Variants in SYNM observed in about 807,000 individuals in gnomAD.
SYNM encodes the protein synemin.
SYNM carries 95 observed loss-of-function variants against 104.0 expected under a neutral mutation model. The ratio of observed to expected loss-of-function variants is 0.91; its 90% CI spans 0.77 to 1.08. SYNM has a LOEUF of 1.08. Among genes scored for constraint, SYNM ranks in the 50% least tolerant of loss-of-function variants. The probability of loss-of-function intolerance (pLI) is 0.00; values close to 1 mark genes in which losing one functional copy is unlikely to be tolerated. For synonymous variants in SYNM, 918 were observed against 869.0 expected, an observed-to-expected ratio of 1.06 and a Z score of -0.99; for missense variants, 2,150 against 2,052.2, an observed-to-expected ratio of 1.05 and a Z score of -0.92.
At chr15:99,119,800 G>T (rs578009658) in intron 2 of SYNM, among the ~76,000 whole-genome samples, 3 of 152,320 alleles carry the variant, frequency 2.0e-5, no homozygotes, top group Admixed American at 2.0e-4. Context: ...TTTGTTATGA[G>T]AATTTCCAAA....
chr15:99,111,900 T>C (rs2067302800), intron 1 of SYNM, among the ~76,000 whole-genome samples: 1 of 152,070 alleles, frequency 6.6e-6, no homozygotes, highest in Admixed American at 6.6e-5. Context: ...CAAAAATCAG[T>C]TGGGCGTGAT....
intron 1 of SYNM, among the ~76,000 whole-genome samples, chr15:99,106,228 G>A (rs2067242099): frequency 6.6e-6 from 1 of 152,238 alleles, no homozygotes; most frequent in African/African-American, 2.4e-5. Flanking sequence ...CTAGCGGATA[G>A]CCCCGTCCTC....
At position 99,132,058 on chromosome 15, in the gene SYNM, A is replaced by C. The variant is rs2067515414; in HGVS notation, c.3698A>C (p.Glu1233Ala). ...TGCAGACAATTTCATGCTGAAAAGG[A>C]GATTATTTTTCAGGGCCCCATTTCT... ...FGCRQFHAEK[E>A]IIFQGPISAA... Residue 1233 changes from glutamate to alanine, a missense_variant, in exon 4 of 4, where the codon GAG (glutamate) becomes GCG (alanine). By Grantham distance (107) the Glu-to-Ala change is moderately radical. Transcript: ENST00000336292. 1 of 1,613,864 alleles carries C rather than the reference A, an allele frequency of 6.2e-7. No individual in the cohort carries two copies. The highest frequency in any genetic ancestry group is 8.5e-7 in the Non-Finnish European group (1 of 1,179,884).
chr15:99,121,511 A>G (rs74435210), intron 2 of SYNM, among the ~76,000 whole-genome samples: 2,749 of 152,332 alleles, frequency 0.018, 85 homozygotes, highest in African/African-American at 0.062. Context: ...AGGCTAGCAC[A>G]GAGTCGGTAA....
chr15:99,132,830 G>T lies in SYNM; in HGVS notation c.4470G>T (p.Trp1490Cys), dbSNP rs1555486217. Residue 1490 changes from tryptophan (W) to cysteine (C), a missense_variant, in exon 4 of 4, where the codon TGG (tryptophan) becomes TGT (cysteine). Physicochemically the swap from Trp to Cys is radical, Grantham distance 215. Transcript: ENST00000336292. ...GALGVSDRGS[W>C]RDADSRNDQA... Reference sequence around the variant, plus strand: ...TCGGTGTGTCTGACCGTGGTTCCTGGAGAGACGCGGACAGTAGGAATGACC... The same window carrying T: ...TCGGTGTGTCTGACCGTGGTTCCTGTAGAGACGCGGACAGTAGGAATGACC... 1 of 1,613,772 alleles carries T rather than the reference G, an allele frequency of 6.2e-7. No individual in the cohort carries two copies. The highest frequency in any genetic ancestry group is 1.1e-5 in the South Asian group (1 of 91,036).
At chr15:99,128,098 A>C (rs1480832847) in intron 3 of SYNM, among the ~76,000 whole-genome samples, 2 of 152,238 alleles carry the variant, frequency 1.3e-5, no homozygotes, top group Non-Finnish European at 2.9e-5. Flanking sequence ...TATTCTGGCA[A>C]TTACATATTA....
downstream of SYNM, among the ~76,000 whole-genome samples, chr15:99,138,431 A>G (rs1455307845): frequency 6.6e-6 from 1 of 151,798 alleles, no homozygotes; most frequent in Admixed American, 6.6e-5. Flanking sequence ...CTCATGCCTC[A>G]GTCTCCCGAG....
At chr15:99,116,264 G>C (rs1225241191) in intron 2 of SYNM, among the ~76,000 whole-genome samples, 1 of 152,212 alleles carries the variant, frequency 6.6e-6, no homozygotes, top group African/African-American at 2.4e-5. Context: ...AATTGGTAGG[G>C]CATTGAAACA....
intron 1 of SYNM, among the ~76,000 whole-genome samples, chr15:99,107,106 A>T (rs2067253285): frequency 6.6e-6 from 1 of 152,240 alleles, no homozygotes; most frequent in Admixed American, 6.5e-5. Context: ...TACAGGCTAG[A>T]TGGGAAATCA....
chr15:99,106,124 GT>G, intron 1 of SYNM, 115 bp downstream of exon 1: 6 of 1,162,318 alleles, frequency 5.2e-6, no homozygotes, highest in Non-Finnish European at 6.7e-6. Context: ...TCGCGGACCG[GT>G]AGGGCCCGCC....
intron 2 of SYNM, among the ~76,000 whole-genome samples, chr15:99,124,243 A>C (rs1292585179): frequency 2.0e-5 from 3 of 152,240 alleles, no homozygotes; most frequent in African/African-American, 7.2e-5. Flanking sequence ...CTATTCCTTA[A>C]AAATGTCCCT....
chr15:99,138,190 C>A, downstream of SYNM: 1 of 1,590,024 alleles, frequency 6.3e-7, no homozygotes, highest in South Asian at 1.1e-5. Context: ...CGTTCCCATC[C>A]AGCCTTTGCT....
rs1334776486 is a variant in SYNM, at chr15:99,130,033, A to G, written c.1673A>G (p.Lys558Arg). The G allele has an allele frequency of 6.2e-6, 10 of 1,613,688 alleles. No individual in the cohort carries two copies. Among genetic ancestry groups the G allele is most frequent in the South Asian group, 1.1e-5 (1 of 91,030 alleles). ...EARQRESQQM[K>R]EKAKEKDSPK... ...AGACAGAGAGAAAGCCAGCAGATGA[A>G]GGAGAAGGCTAAGGAGAAGGACTCA... The change falls in exon 4 of 4, where the codon AAG (lysine) becomes AGG (arginine). Residue 558 changes from lysine (K) to arginine (R), a missense_variant. Lys to Arg is a conservative substitution (Grantham distance 26). Transcript: ENST00000336292.
intron 3 of SYNM, 46 bp downstream of exon 3, chr15:99,126,838 G>C (rs1555485097): frequency 6.6e-7 from 1 of 1,512,056 alleles, no homozygotes; most frequent in Non-Finnish European, 8.9e-7. Flanking sequence ...CATCTGAACT[G>C]TTTATTCTGT....
chr15:99,137,908 G>C, downstream of SYNM: 1 of 1,548,686 alleles, frequency 6.5e-7, no homozygotes, highest in Non-Finnish European at 8.8e-7. Context: ...TTGGAAATCT[G>C]TATCCTGACT....
rs782390681 is a variant in SYNM at position 99,131,772 on chromosome 15, G to C, written c.3412G>C (p.Glu1138Gln). The C allele has an allele frequency of 2.2e-5, 35 of 1,613,872 alleles. No homozygotes were observed. The Admixed American group carries it at 5.7e-4, about 26-fold the overall frequency. Residue 1138 changes from glutamate (E) to glutamine (Q), a missense_variant, in exon 4 of 4, where the codon GAG (glutamate) becomes CAG (glutamine). Coordinates refer to ENST00000336292, the MANE Select transcript of SYNM (RefSeq NM_145728.3). The surrounding 1 kb of genome is among the most constrained non-coding windows in gnomAD (Gnocchi z 4.3). ...CGGCCCCTCTGAAGTCTGGAGGACTGAGCGAATGTCATATGAAGGACCCAC... is the reference window on the plus strand; with the variant it reads ...CGGCCCCTCTGAAGTCTGGAGGACTCAGCGAATGTCATATGAAGGACCCAC... ...KLGPSEVWRT[E>Q]RMSYEGPTAE...
chr15:99,126,114 G>A (rs1266835522), intron 2 of SYNM, among the ~76,000 whole-genome samples: 1 of 152,120 alleles, frequency 6.6e-6, no homozygotes, highest in Non-Finnish European at 1.5e-5. Flanking sequence ...CTACTGACGG[G>A]GGGCGCTTTA....
chr15:99,118,604 G>A (rs1156284837), intron 2 of SYNM, among the ~76,000 whole-genome samples: 1 of 152,172 alleles, frequency 6.6e-6, no homozygotes, highest in South Asian at 2.1e-4. Flanking sequence ...CTAGGTGACT[G>A]TCACAGGGAA....
rs1192701329 is a variant in SYNM, at chr15:99,132,864, G to C, written c.4504G>C (p.Gly1502Arg). 3 of 1,613,806 alleles carry C rather than the reference G, an allele frequency of 1.9e-6. No individual in the cohort carries two copies. Among genetic ancestry groups the C allele is most frequent in the African/African-American group, 1.3e-5 (1 of 74,912 alleles). ...DADSRNDQAVGVSFKASAGEG... is the reference protein window; with the variant it reads ...DADSRNDQAVRVSFKASAGEG... The stretch of plus-strand genomic sequence containing the variant: ...GGACAGTAGGAATGACCAGGCAGTT[G>C]GTGTGAGCTTTAAGGCCTCTGCTGG... Residue 1502 changes from glycine (G) to arginine (R), a missense_variant, in exon 4 of 4, where the codon GGT becomes CGT. Physicochemically the swap from Gly to Arg is moderately radical, Grantham distance 125. Transcript: ENST00000336292.
Sources: gnomAD v4.1 joint callset for allele counts (sites outside exome capture counted in the v4.1 genomes callset) on GRCh38, gnomAD v4.1.1 for gene constraint, Gnocchi (gnomAD v3.1) non-coding constraint, MANE v1.5 for transcripts, NCBI Gene and HGNC (gene_info 2026-07-23, HGNC 2026-07-21) for gene names.